The following PTPRT variants were observed in gnomAD, a reference collection of about 807,000 sequenced individuals.
PTPRT encodes the protein protein tyrosine phosphatase receptor type T.
PTPRT carries 56 observed loss-of-function variants against 176.8 expected under a neutral mutation model. The observed-to-expected ratio is 0.32, with a 90% confidence interval of 0.26 to 0.40. The LOEUF (loss-of-function observed/expected upper bound fraction) is 0.40, where lower values mean the gene tolerates loss of function less well. Among genes scored for constraint, PTPRT ranks in the 10% least tolerant of loss-of-function variants. PTPRT has a pLI of 1.00. For synonymous variants in PTPRT, 783 were observed against 739.0 expected (o/e 1.06, Z -0.96); for missense variants, 1,540 against 1,908.2 (o/e 0.81, Z 3.60).
intron 15 of PTPRT, among the ~76,000 whole-genome samples, chr20:42,226,133 C>T (rs915071605): frequency 1.3e-5 from 2 of 152,190 alleles, no homozygotes; most frequent in South Asian, 2.1e-4. Context: ...TTTATTAACA[C>T]GTTCAAGTTC....
chr20:42,276,530 T>A (rs2057036637), intron 13 of PTPRT, among the ~76,000 whole-genome samples: 1 of 46,864 alleles, frequency 2.1e-5, no homozygotes, highest in Non-Finnish European at 4.6e-5. Context: ...TATATATATA[T>A]ATATATATAT....
intron 1 of PTPRT, among the ~76,000 whole-genome samples, chr20:42,936,251 G>C (rs1980184272): frequency 6.6e-6 from 1 of 152,166 alleles, no homozygotes; most frequent in African/African-American, 2.4e-5. Flanking sequence ...ACATAGGAAA[G>C]GCTCCAGTGA....
intron 9 of PTPRT, among the ~76,000 whole-genome samples, chr20:42,447,981 C>G (rs1319286149): frequency 6.6e-6 from 1 of 152,136 alleles, no homozygotes; most frequent in Admixed American, 6.5e-5. Flanking sequence ...TGGATGAGGT[C>G]AGTTGTCACC....
At chr20:42,956,946 C>G (rs527323241) in intron 1 of PTPRT, among the ~76,000 whole-genome samples, 2 of 152,262 alleles carry the variant, frequency 1.3e-5, no homozygotes, top group East Asian at 3.9e-4. Flanking sequence ...CCAACCACCC[C>G]AGCGCCCAAG....
intron 1 of PTPRT, among the ~76,000 whole-genome samples, chr20:42,939,950 C>A (rs1275795936): frequency 6.6e-6 from 1 of 152,134 alleles, no homozygotes; most frequent in Non-Finnish European, 1.5e-5. Context: ...TCTTCCCACT[C>A]AACACCACTA....
chr20:42,648,502 A>AT (rs753882894), intron 7 of PTPRT, among the ~76,000 whole-genome samples: 7 of 152,146 alleles, frequency 4.6e-5, no homozygotes, highest in Non-Finnish European at 1.0e-4. Flanking sequence ...AGGTTCTATC[A>AT]TTAAGTGAGA....
intron 1 of PTPRT, among the ~76,000 whole-genome samples, chr20:43,078,269 C>T (rs79867566): frequency 2.0e-5 from 3 of 152,194 alleles, no homozygotes; most frequent in African/African-American, 7.2e-5. Flanking sequence ...GGTTTTGGCA[C>T]CAGTGTCTTG....
Position 42,653,099 on chromosome 20 carries a change from C to G in PTPRT, c.1153+24767G>C, listed in dbSNP as rs536603880. ...TAGTACTCACATGTCGTGGGAGGGA[C>G]CCAGTGGGAGGTTATTGAACCATAG... On this transcript the variant is annotated intron_variant, in intron 7 of 30. Transcript: ENST00000373187. Among the ~76,000 whole-genome samples, 301 of 152,222 alleles carry G rather than the reference C, an allele frequency of 2.0e-3. 1 individual carries two copies. The highest frequency in any genetic ancestry group is 3.4e-3 in the Non-Finnish European group (233 of 68,024).
At chr20:42,963,943 G>A (rs1180282808) in intron 1 of PTPRT, among the ~76,000 whole-genome samples, 1 of 152,070 alleles carries the variant, frequency 6.6e-6, no homozygotes, top group Non-Finnish European at 1.5e-5. Context: ...CAGGCTTTCG[G>A]GCTACATCCA....
intron 15 of PTPRT, among the ~76,000 whole-genome samples, chr20:42,202,182 G>T (rs944141325): frequency 2.6e-5 from 4 of 152,002 alleles, no homozygotes; most frequent in Non-Finnish European, 4.4e-5. Context: ...ATTGCCCAGG[G>T]TGGTCTTGAA....
At chr20:42,520,165 T>C (rs2072144849) in intron 7 of PTPRT, among the ~76,000 whole-genome samples, 1 of 152,122 alleles carries the variant, frequency 6.6e-6, no homozygotes, top group South Asian at 2.1e-4. Context: ...AATACTTATA[T>C]TGGCGATGTG....
chr20:42,736,717 A>G (rs949746095), intron 6 of PTPRT, among the ~76,000 whole-genome samples: 4 of 152,222 alleles, frequency 2.6e-5, no homozygotes, highest in Admixed American at 2.0e-4. Flanking sequence ...GACACGGGGT[A>G]CAATTTATGC....
intron 1 of PTPRT, among the ~76,000 whole-genome samples, chr20:43,052,738 T>C (rs1420149738): frequency 1.3e-5 from 2 of 152,228 alleles, no homozygotes; most frequent in Non-Finnish European, 2.9e-5. Context: ...CAGCCAATTA[T>C]AGAGCATTTT....
intron 1 of PTPRT, among the ~76,000 whole-genome samples, chr20:42,947,260 T>C (rs1600583445): frequency 2.0e-5 from 3 of 152,052 alleles, no homozygotes; most frequent in African/African-American, 7.2e-5. Context: ...TACAGGAAAG[T>C]TGGATTATTT....
intron 11 of PTPRT, among the ~76,000 whole-genome samples, chr20:42,342,533 G>A (rs1222901479): frequency 6.6e-6 from 1 of 152,226 alleles, no homozygotes. Flanking sequence ...GAGGTTTGGA[G>A]AAAGAGTGTC....
chr20:42,741,241 A>C (rs1277514663), intron 6 of PTPRT, among the ~76,000 whole-genome samples: 1 of 152,176 alleles, frequency 6.6e-6, no homozygotes, highest in Non-Finnish European at 1.5e-5. Context: ...CATGGTTGAT[A>C]AATTTGGGAC....
intron 1 of PTPRT, among the ~76,000 whole-genome samples, chr20:43,167,976 A>T (rs2014898941): frequency 6.6e-6 from 1 of 152,226 alleles, no homozygotes; most frequent in Non-Finnish European, 1.5e-5. Context: ...GACCCACAGA[A>T]ACTGTGAGAC....
At chr20:43,153,899 C>A (rs893829376) in intron 1 of PTPRT, among the ~76,000 whole-genome samples, 3 of 152,140 alleles carry the variant, frequency 2.0e-5, no homozygotes, top group Non-Finnish European at 2.9e-5. Context: ...GCGAATGAAG[C>A]CAGCCTCTCA....
chr20:42,377,310 A>G (rs2058661116), intron 9 of PTPRT, among the ~76,000 whole-genome samples: 1 of 152,104 alleles, frequency 6.6e-6, no homozygotes, highest in Non-Finnish European at 1.5e-5. Flanking sequence ...CTCAAGTCTA[A>G]TGCTCCTCCA....
Sources: allele counts gnomAD v4.1 joint callset (sites outside exome capture counted in the v4.1 genomes callset), GRCh38; gene constraint gnomAD v4.1.1; transcripts MANE v1.5; gene names NCBI Gene and HGNC (gene_info 2026-07-23, HGNC 2026-07-21).